The following APBB2 variants were observed in gnomAD, a reference collection of about 807,000 sequenced individuals.
APBB2 encodes the protein amyloid beta precursor protein binding family B member 2, also known as Fe65-like 1.
A neutral mutation model predicts 82.5 loss-of-function variants in APBB2; 38 were observed. That is an observed-to-expected ratio of 0.46 (90% confidence interval 0.36 to 0.60). APBB2 has a LOEUF of 0.60. Ranked by LOEUF, APBB2 falls within the 20% of genes least tolerant of loss-of-function variation. The pLI is 0.00. For synonymous variants in APBB2, 341 were observed against 368.2 expected (o/e 0.93, Z 0.85); for missense variants, 772 against 972.3 (o/e 0.79, Z 2.74).
At chr4:41,060,376 G>A (rs909010473) in intron 4 of APBB2, among the ~76,000 whole-genome samples, 1 of 152,150 alleles carries the variant, frequency 6.6e-6, no homozygotes, top group Non-Finnish European at 1.5e-5. Context: ...TTCTAAGCAA[G>A]TACTTCATTC....
intron 10 of APBB2, among the ~76,000 whole-genome samples, chr4:40,926,957 T>C (rs764330557): frequency 6.6e-6 from 1 of 152,206 alleles, no homozygotes; most frequent in Non-Finnish European, 1.5e-5. Context: ...ACACAGTGAG[T>C]GTTCAGGAAA....
At chr4:41,058,873 T>C (rs930788266) in intron 4 of APBB2, among the ~76,000 whole-genome samples, 13 of 152,016 alleles carry the variant, frequency 8.6e-5, no homozygotes, top group African/African-American at 2.9e-4. Context: ...GGAGAGATCA[T>C]TAACAACTAA....
At chr4:41,210,722 A>G (rs892525617) in intron 1 of APBB2, among the ~76,000 whole-genome samples, 5 of 152,250 alleles carry the variant, frequency 3.3e-5, no homozygotes, top group African/African-American at 1.2e-4. Context: ...TGCAGTTCCA[A>G]TCAAATTTAA....
intron 4 of APBB2, among the ~76,000 whole-genome samples, chr4:41,036,803 C>T (rs906371820): frequency 6.6e-6 from 1 of 152,160 alleles, no homozygotes; most frequent in Non-Finnish European, 1.5e-5. Context: ...TACAACTATG[C>T]AGAACTTTTT....
chr4:41,019,713 CCAGAGGT>C (rs1810955036), intron 5 of APBB2, among the ~76,000 whole-genome samples: 1 of 152,016 alleles, frequency 6.6e-6, no homozygotes, highest in African/African-American at 2.4e-5. Context: ...AAGGAAAAGG[CCAGAGGT>C]CAGAGGTCCC....
Position 40,880,952 on chromosome 4 carries a change from G to A in APBB2, c.1529+9412C>T, listed in dbSNP as rs147430802. Reference sequence around the variant, plus strand: ...GAACAGGGACAGGACCGCCATGAACGATCTGTCTGAAAATGCCCTCCCACT... The same window carrying A: ...GAACAGGGACAGGACCGCCATGAACAATCTGTCTGAAAATGCCCTCCCACT... On this transcript the variant is annotated intron_variant, in intron 12 of 17. Coordinates refer to ENST00000508593, the MANE Select transcript of APBB2 (RefSeq NM_004307.2). 281 of 980,322 alleles carry A rather than the reference G, an allele frequency of 2.9e-4. 1 individual carries two copies. The African/African-American group carries it at 4.5e-3, about 16-fold the overall frequency. The allele number at this position is 980,322 out of a possible 1,614,324, so 60.7% of individuals were successfully genotyped here.
chr4:41,110,833 A>G (rs1240586091), intron 2 of APBB2, among the ~76,000 whole-genome samples: 4 of 152,134 alleles, frequency 2.6e-5, no homozygotes, highest in Non-Finnish European at 4.4e-5. Flanking sequence ...TTTTTCCCCA[A>G]TAGGGTGAGG....
chr4:41,170,811 GAATA>G (rs773379405), intron 1 of APBB2, among the ~76,000 whole-genome samples: 3 of 152,174 alleles, frequency 2.0e-5, no homozygotes, highest in Non-Finnish European at 2.9e-5. Flanking sequence ...AAATCTAGGT[GAATA>G]ATACAGGGGA....
intron 1 of APBB2, among the ~76,000 whole-genome samples, chr4:41,209,516 G>C (rs753722211): frequency 6.6e-5 from 10 of 152,132 alleles, no homozygotes; most frequent in Admixed American, 1.3e-4. Flanking sequence ...ATTTCTCATC[G>C]AGGCGAGGAG....
intron 2 of APBB2, among the ~76,000 whole-genome samples, chr4:41,110,433 T>A (rs1429231425): frequency 6.6e-6 from 1 of 151,968 alleles, no homozygotes; most frequent in African/African-American, 2.4e-5. Context: ...TGAAACCCCA[T>A]CTCTACTAAA....
chr4:40,932,754 A>T (rs1248191216), intron 10 of APBB2, among the ~76,000 whole-genome samples: 1 of 151,972 alleles, frequency 6.6e-6, no homozygotes, highest in Non-Finnish European at 1.5e-5. Context: ...CAAAACGAAA[A>T]TGCAAGCCCC....
At chr4:41,017,861 T>G (rs1810451965) in intron 5 of APBB2, among the ~76,000 whole-genome samples, 1 of 152,218 alleles carries the variant, frequency 6.6e-6, no homozygotes, top group South Asian at 2.1e-4. Flanking sequence ...TTCCTCGGGT[T>G]TAAGAGGATA....
chr4:41,058,895 GA>G (rs1204685247), intron 4 of APBB2, among the ~76,000 whole-genome samples: 1 of 151,852 alleles, frequency 6.6e-6, no homozygotes, highest in Non-Finnish European at 1.5e-5. Flanking sequence ...AAAATACTAA[GA>G]AAAAAATCAA....
At chr4:41,043,411 T>TATA (rs1722259329) in intron 4 of APBB2, among the ~76,000 whole-genome samples, 2 of 152,348 alleles carry the variant, frequency 1.3e-5, no homozygotes, top group East Asian at 3.9e-4. Flanking sequence ...ATGATGAGTA[T>TATA]ATAGGTATTG....
intron 12 of APBB2, among the ~76,000 whole-genome samples, chr4:40,877,656 C>T (rs565355355): frequency 1.5e-4 from 23 of 152,310 alleles, no homozygotes; most frequent in African/African-American, 5.5e-4. Context: ...GTTTAGTTCA[C>T]CTGCTGGGAC....
At chr4:40,924,180 C>T (rs1372643600) in intron 10 of APBB2, among the ~76,000 whole-genome samples, 1 of 152,174 alleles carries the variant, frequency 6.6e-6, no homozygotes, top group Non-Finnish European at 1.5e-5. Flanking sequence ...TTGTGAATGC[C>T]AACCTAAAAG....
At chr4:40,852,933 C>T (rs565953977) in intron 12 of APBB2, among the ~76,000 whole-genome samples, 12 of 152,206 alleles carry the variant, frequency 7.9e-5, no homozygotes, top group South Asian at 6.2e-4. Context: ...CATGAGCCAC[C>T]GTGTCTGGCT....
At chr4:40,960,473 G>A (rs1792853736) in intron 6 of APBB2, among the ~76,000 whole-genome samples, 1 of 144,326 alleles carries the variant, frequency 6.9e-6, no homozygotes. Context: ...TTTGAGACGG[G>A]GTCTCGCTCT....
At chr4:41,121,733 T>TC (rs1263355403) in intron 2 of APBB2, among the ~76,000 whole-genome samples, 1 of 152,006 alleles carries the variant, frequency 6.6e-6, no homozygotes, top group Admixed American at 6.6e-5. Context: ...CTATATAGGG[T>TC]CCCCTGGAAA....
Sources: allele counts gnomAD v4.1 joint callset (sites outside exome capture counted in the v4.1 genomes callset), GRCh38; gene constraint gnomAD v4.1.1; transcripts MANE v1.5; gene names NCBI Gene and HGNC (gene_info 2026-07-23, HGNC 2026-07-21).